Variants in AGK observed in about 807,000 individuals in gnomAD.
The protein encoded by AGK is acylglycerol kinase, also known as acylglycerol kinase, mitochondrial.
In AGK, 52 loss-of-function variants were observed where a neutral mutation model predicts 66.4. That is an observed-to-expected ratio of 0.78 (90% confidence interval 0.63 to 0.99). The LOEUF (loss-of-function observed/expected upper bound fraction) is 0.99. Ranked by LOEUF, AGK falls within the 50% of genes least tolerant of loss-of-function variation. The pLI is 0.00. For missense variants in AGK, 451 were observed against 506.6 expected (o/e 0.89, Z 1.05); for synonymous variants, 182 against 181.1 (o/e 1.00, Z -0.04).
chr7:141,562,745 C>T (rs1795376819), intron 2 of AGK, among the ~76,000 whole-genome samples: 1 of 152,158 alleles, frequency 6.6e-6, no homozygotes, highest in South Asian at 2.1e-4. Flanking sequence ...AGCCTGTGCG[C>T]AGAACTCAGA....
At chr7:141,641,470 A>G (rs968364205) in intron 12 of AGK, 72 bp downstream of exon 12, 47 of 1,513,956 alleles carry the variant, frequency 3.1e-5, no homozygotes, top group Non-Finnish European at 4.0e-5. Context: ...GACCTCCAAA[A>G]TCAGTTTTAG....
At chr7:141,641,148 T>C (rs1797278150) in intron 11 of AGK, 100 bp from the exon 12 acceptor site, 1 of 1,087,264 alleles carries the variant, frequency 9.2e-7, no homozygotes, top group Non-Finnish European at 1.3e-6. Context: ...GTTCACTTTC[T>C]AGCAGGTATA....
intron 6 of AGK, 63 bp downstream of exon 6, chr7:141,611,350 A>C: frequency 8.3e-7 from 1 of 1,210,988 alleles, no homozygotes. Flanking sequence ...TAAATCCTAG[A>C]GCAATGGTAT....
At chr7:141,589,204 G>A (rs1044832850) in intron 2 of AGK, among the ~76,000 whole-genome samples, 1 of 152,106 alleles carries the variant, frequency 6.6e-6, no homozygotes, top group Admixed American at 6.5e-5. Context: ...CCTTCTCTGA[G>A]TCTTGGCTTC....
chr7:141,649,455 G>T lies in AGK; in HGVS notation c.1046+122G>T. 8.0e-6 allele frequency: 6 copies of T among 751,812 alleles called. No homozygotes were observed. In the South Asian group the frequency reaches 8.8e-5, roughly 11 times the overall value. 46.6% of individuals were successfully genotyped at this position (751,812 alleles called of 1,614,324 possible). A position where few individuals can be genotyped will look rare whatever the true frequency, so the allele number is the denominator to read the frequency against. On this transcript the variant is annotated intron_variant, in intron 14 of 15. Coordinates refer to ENST00000649286, the MANE Select transcript of AGK (RefSeq NM_018238.4). ...AAGCCTTGTCTTGTTTGGGAATTTCGATGTTATTTCTTTCCTATGGGCTGA... is the reference window on the plus strand; with the variant it reads ...AAGCCTTGTCTTGTTTGGGAATTTCTATGTTATTTCTTTCCTATGGGCTGA...
At chr7:141,560,906 G>A (rs1013278850) in intron 2 of AGK, among the ~76,000 whole-genome samples, 1 of 147,494 alleles carries the variant, frequency 6.8e-6, no homozygotes, top group African/African-American at 2.5e-5. Flanking sequence ...ATGCCATTCT[G>A]CCTCAGCCTC....
chr7:141,586,867 A>G (rs1032535963), intron 2 of AGK, among the ~76,000 whole-genome samples: 2 of 152,146 alleles, frequency 1.3e-5, no homozygotes, highest in African/African-American at 4.8e-5. Context: ...ATTCTCTGTC[A>G]ACTGTCCATG....
intron 2 of AGK, among the ~76,000 whole-genome samples, chr7:141,581,066 G>T (rs1795871721): frequency 6.6e-6 from 1 of 151,988 alleles, no homozygotes; most frequent in Non-Finnish European, 1.5e-5. Flanking sequence ...AGGGGTTGGG[G>T]TTTGAGAGAT....
intron 5 of AGK, among the ~76,000 whole-genome samples, chr7:141,601,721 A>C (rs1796347790): frequency 6.6e-6 from 1 of 152,234 alleles, no homozygotes; most frequent in Non-Finnish European, 1.5e-5. Flanking sequence ...AGATTTAGTT[A>C]AGAAGAAAAG....
In AGK at chr7:141,606,489, CTT is replaced by C. The variant is rs67698427; in HGVS notation, c.298-4704_298-4703del. Among the ~76,000 whole-genome samples the C allele has an allele frequency of 8.2e-3, 1,247 of 152,182 alleles. 14 individuals carry two copies. Among genetic ancestry groups the C allele is most frequent in the African/African-American group, 0.029 (1,192 of 41,536 alleles). ...TCAAGCCACTTTATAAAAAAGTAGA[CTT>C]TATTTTTTAGAGCAGTTTTAGGTTT... On this transcript the variant is annotated intron_variant, in intron 5 of 15. Transcript: ENST00000649286.
At chr7:141,573,642 A>G (rs1207919753) in intron 2 of AGK, among the ~76,000 whole-genome samples, 1 of 152,192 alleles carries the variant, frequency 6.6e-6, no homozygotes, top group Non-Finnish European at 1.5e-5. Context: ...TTATGTGTTT[A>G]TAGGCCGGAA....
intron 2 of AGK, among the ~76,000 whole-genome samples, chr7:141,575,055 A>G (rs1353996209): frequency 1.3e-5 from 2 of 152,216 alleles, no homozygotes; most frequent in African/African-American, 4.8e-5. Flanking sequence ...TTTTTCCTAA[A>G]CCCACTTGCA....
Position 141,655,060 on chromosome 7 carries a change from G to A in AGK, c.*2136G>A, listed in dbSNP as rs566530773. ...CTGAGCTGAGAGCATTTAGCATATCGTGGTTCTGTAACAATATCAAGGACC... is the reference window on the plus strand; with the variant it reads ...CTGAGCTGAGAGCATTTAGCATATCATGGTTCTGTAACAATATCAAGGACC... On this transcript the variant is annotated 3_prime_UTR_variant, in exon 16 of 16. Coordinates refer to ENST00000649286, the MANE Select transcript of AGK (RefSeq NM_018238.4). 2.0e-5 allele frequency: 3 copies of A among 152,252 alleles called. No individual in the cohort carries two copies. The highest frequency in any genetic ancestry group is 1.3e-4 in the Admixed American group (2 of 15,286). The allele number at this position is 152,252 out of a possible 1,614,324, so 9.4% of individuals were successfully genotyped here.
intron 3 of AGK, among the ~76,000 whole-genome samples, chr7:141,594,571 C>T (rs1243203760): frequency 6.6e-6 from 1 of 152,120 alleles, no homozygotes; most frequent in Non-Finnish European, 1.5e-5. Context: ...AATGCCTCCA[C>T]CTCTGTTCTA....
chr7:141,619,740 T>G (rs1347166347), intron 8 of AGK, among the ~76,000 whole-genome samples: 4 of 150,772 alleles, frequency 2.7e-5, no homozygotes, highest in African/African-American at 9.7e-5. Context: ...ATATCATTGG[T>G]GCAAATACGA....
intron 2 of AGK, among the ~76,000 whole-genome samples, chr7:141,570,579 A>G (rs1431193859): frequency 6.6e-6 from 1 of 152,154 alleles, no homozygotes; most frequent in Non-Finnish European, 1.5e-5. Context: ...TTACTGAGCT[A>G]TAGCAGATAT....
intron 2 of AGK, among the ~76,000 whole-genome samples, chr7:141,569,704 G>A (rs568022045): frequency 3.1e-4 from 47 of 152,256 alleles, no homozygotes; most frequent in African/African-American, 1.1e-3. Context: ...CTATATAGAT[G>A]AAGAAACTTA....
chr7:141,621,267 A>G (rs996674634), intron 8 of AGK, among the ~76,000 whole-genome samples: 1 of 152,210 alleles, frequency 6.6e-6, no homozygotes, highest in African/African-American at 2.4e-5. Context: ...AGTCCTGGAA[A>G]ATAAGAGAAA....
rs1797668085 is a variant in AGK at position 141,655,239 on chromosome 7, T to C, written c.*2315T>C. 6.6e-6 allele frequency: 1 copy of C among 152,250 alleles called. No homozygotes were observed. The highest frequency in any genetic ancestry group is 1.5e-5 in the Non-Finnish European group (1 of 68,040). The allele number at this position is 152,250 out of a possible 1,614,324, so 9.4% of individuals were successfully genotyped here. Reference sequence around the variant, plus strand: ...ATTTTTAAATATAAATATGCCTTGTTTCAAACTTTGTTTTCTTGATTCAGG... The same window carrying C: ...ATTTTTAAATATAAATATGCCTTGTCTCAAACTTTGTTTTCTTGATTCAGG... On this transcript the variant is annotated 3_prime_UTR_variant, in exon 16 of 16. Transcript: ENST00000649286.
Sources: gnomAD v4.1 joint callset for allele counts (sites outside exome capture counted in the v4.1 genomes callset) on GRCh38, gnomAD v4.1.1 for gene constraint, MANE v1.5 for transcripts, NCBI Gene and HGNC (gene_info 2026-07-23, HGNC 2026-07-21) for gene names.